The following DOCK3 variants were observed in gnomAD, a reference collection of about 807,000 sequenced individuals.
The protein encoded by DOCK3 is dedicator of cytokinesis protein 3.
DOCK3 carries 60 observed loss-of-function variants against 265.6 expected under a neutral mutation model. That is an observed-to-expected ratio of 0.23 (90% confidence interval 0.18 to 0.28). The LOEUF (loss-of-function observed/expected upper bound fraction) is 0.28, where lower values mean the gene tolerates loss of function less well. Ranked by LOEUF, DOCK3 falls within the 10% of genes least tolerant of loss-of-function variation. The pLI is 1.00. For synonymous variants in DOCK3, 881 were observed against 938.0 expected (o/e 0.94, Z 1.11); for missense variants, 1,981 against 2,594.3 (o/e 0.76, Z 5.14).
intron 27 of DOCK3, among the ~76,000 whole-genome samples, chr3:51,296,584 C>T (rs555913122): frequency 6.6e-6 from 1 of 151,254 alleles, no homozygotes; most frequent in East Asian, 2.0e-4. Flanking sequence ...TCACCCCATT[C>T]TCCTGCCTCA....
chr3:51,370,510 G>A (rs926123255), intron 49 of DOCK3, among the ~76,000 whole-genome samples: 2 of 152,286 alleles, frequency 1.3e-5, no homozygotes, highest in South Asian at 4.1e-4. Flanking sequence ...CTGCTCTTGG[G>A]GACCTCACAG....
At chr3:51,283,260 C>G (rs2081231973) in intron 27 of DOCK3, among the ~76,000 whole-genome samples, 1 of 152,196 alleles carries the variant, frequency 6.6e-6, no homozygotes, top group Admixed American at 6.5e-5. Flanking sequence ...ACCCCTGGCA[C>G]TGCACCATAA....
At chr3:51,346,704 G>A (rs2085606787) in intron 38 of DOCK3, among the ~76,000 whole-genome samples, 2 of 152,184 alleles carry the variant, frequency 1.3e-5, no homozygotes, top group Admixed American at 1.3e-4. Context: ...GATCCTTGAG[G>A]AATCTCCACA....
intron 3 of DOCK3, among the ~76,000 whole-genome samples, chr3:50,878,038 C>T (rs1314653024): frequency 6.6e-6 from 1 of 152,188 alleles, no homozygotes; most frequent in Non-Finnish European, 1.5e-5. Context: ...CAGCAAACTC[C>T]AACAGACCTG....
chr3:50,869,168 G>T (rs1372399122), intron 3 of DOCK3, among the ~76,000 whole-genome samples: 1 of 150,078 alleles, frequency 6.7e-6, no homozygotes. Context: ...TAGAGACGGG[G>T]TTTCACTGTG....
chr3:50,775,745 C>T (rs140968427), intron 1 of DOCK3, among the ~76,000 whole-genome samples: 81 of 152,156 alleles, frequency 5.3e-4, no homozygotes, highest in African/African-American at 1.9e-3. Flanking sequence ...TCAACCCCTT[C>T]CACCCTCCCT....
At chr3:50,721,451 T>C (rs2037469379) in intron 1 of DOCK3, among the ~76,000 whole-genome samples, 1 of 152,238 alleles carries the variant, frequency 6.6e-6, no homozygotes, top group Non-Finnish European at 1.5e-5. Flanking sequence ...AGGGAGTTCT[T>C]TCCCCATTGC....
chr3:50,724,822 C>G (rs2037712849), intron 1 of DOCK3, among the ~76,000 whole-genome samples: 1 of 151,988 alleles, frequency 6.6e-6, no homozygotes, highest in African/African-American at 2.4e-5. Flanking sequence ...GTACCCCAGA[C>G]TTAAAGTATA....
At chr3:50,854,628 A>G (rs1011690378) in intron 3 of DOCK3, among the ~76,000 whole-genome samples, 2 of 62,132 alleles carry the variant, frequency 3.2e-5, no homozygotes, top group African/African-American at 6.3e-5. Flanking sequence ...TCATTTCACT[A>G]TGTTGCTCAG....
chr3:51,361,861 C>G lies in DOCK3; in HGVS notation c.5009C>G (p.Pro1670Arg). The change falls in exon 48 of 53, where the codon CCC becomes CGC. Residue 1670 changes from proline to arginine, a missense_variant and splice_region_variant. Pro to Arg is a moderately radical substitution (Grantham distance 103). Coordinates refer to ENST00000266037, the MANE Select transcript of DOCK3 (RefSeq NM_004947.5). The surrounding 1 kb of genome is among the most constrained non-coding windows in gnomAD (Gnocchi z 4.2). ...CTATTTCCCACTCTTGCTCACAGCC[C>G]CATGAACTTGATGGGCACAGGCCGC... ...ESIKMTHRHSPMNLMGTGRHS... is the reference protein window; with the variant it reads ...ESIKMTHRHSRMNLMGTGRHS... The G allele has an allele frequency of 3.1e-6, 5 of 1,612,662 alleles. No individual in the cohort carries two copies. Among genetic ancestry groups the G allele is most frequent in the Non-Finnish European group, 4.2e-6 (5 of 1,179,214 alleles).
chr3:51,337,427 A>G (rs1313130868), intron 35 of DOCK3, among the ~76,000 whole-genome samples: 1 of 152,164 alleles, frequency 6.6e-6, no homozygotes, highest in Non-Finnish European at 1.5e-5. Flanking sequence ...GAGCAAAGCC[A>G]AAGACACTCT....
chr3:51,379,374 G>A, intron 51 of DOCK3: 3 of 984,990 alleles, frequency 3.0e-6, no homozygotes, highest in South Asian at 9.4e-5. Context: ...CACTGGAGAA[G>A]CCACAAGCTG....
chr3:51,068,901 G>A (rs1442191681), intron 6 of DOCK3, among the ~76,000 whole-genome samples: 1 of 152,100 alleles, frequency 6.6e-6, no homozygotes, highest in African/African-American at 2.4e-5. Flanking sequence ...AACTGAACTG[G>A]TCCTGTAATC....
intron 2 of DOCK3, among the ~76,000 whole-genome samples, chr3:50,782,090 A>G (rs992852558): frequency 1.3e-5 from 2 of 152,146 alleles, no homozygotes; most frequent in Non-Finnish European, 2.9e-5. Flanking sequence ...GAACATACAC[A>G]TGCATATGTC....
chr3:51,087,452 C>G (rs112846764), intron 7 of DOCK3, among the ~76,000 whole-genome samples: 10 of 152,218 alleles, frequency 6.6e-5, no homozygotes, highest in African/African-American at 2.2e-4. Flanking sequence ...CTGTTAAAAA[C>G]TCTCAACAAG....
At chr3:51,294,399 C>T (rs923568118) in intron 27 of DOCK3, among the ~76,000 whole-genome samples, 7 of 152,026 alleles carry the variant, frequency 4.6e-5, no homozygotes, top group African/African-American at 1.7e-4. Context: ...GAACTCGAGG[C>T]TGGGCGCAGT....
At chr3:51,014,142 C>T (rs1249870489) in intron 5 of DOCK3, among the ~76,000 whole-genome samples, 1 of 152,172 alleles carries the variant, frequency 6.6e-6, no homozygotes, top group African/African-American at 2.4e-5. Flanking sequence ...GTGCCCCACC[C>T]TGCTTCAGCT....
chr3:50,682,295 G>T (rs932626984), intron 1 of DOCK3, among the ~76,000 whole-genome samples: 1 of 152,156 alleles, frequency 6.6e-6, no homozygotes, highest in African/African-American at 2.4e-5. Context: ...AGGTTCTTCT[G>T]TTTGTACTTA....
At chr3:51,090,651 G>A (rs2082604566) in intron 9 of DOCK3, among the ~76,000 whole-genome samples, 1 of 152,090 alleles carries the variant, frequency 6.6e-6, no homozygotes, top group Admixed American at 6.6e-5. Flanking sequence ...GAGAGAAAAG[G>A]ATGCATCTAT....
Sources: allele counts gnomAD v4.1 joint callset (sites outside exome capture counted in the v4.1 genomes callset), GRCh38; gene constraint gnomAD v4.1.1; non-coding constraint Gnocchi (gnomAD v3.1); transcripts MANE v1.5; gene names NCBI Gene and HGNC (gene_info 2026-07-23, HGNC 2026-07-21).